Variants in GNG2 observed in about 807,000 individuals in gnomAD.
GNG2 encodes the protein G protein subunit gamma 2.
In GNG2, 5 loss-of-function variants were observed where a neutral mutation model predicts 5.5. The ratio of observed to expected loss-of-function variants is 0.91; its 90% CI spans 0.48 to 1.92. The LOEUF (loss-of-function observed/expected upper bound fraction) is 1.92, where lower values mean the gene tolerates loss of function less well. Among genes scored for constraint, GNG2 ranks in the 30% most tolerant of loss-of-function variants. The pLI is 0.01. For synonymous variants in GNG2, 28 were observed against 32.0 expected, an observed-to-expected ratio of 0.88 and a Z score of 0.42; for missense variants, 55 against 88.4, an observed-to-expected ratio of 0.62 and a Z score of 1.52.
intron 2 of GNG2, among the ~76,000 whole-genome samples, chr14:51,892,374 C>T (rs1158259059): frequency 6.6e-6 from 1 of 151,686 alleles, no homozygotes; most frequent in African/African-American, 2.4e-5. Flanking sequence ...AGCTATGGCG[C>T]GATCTTGGCG....
intron 2 of GNG2, among the ~76,000 whole-genome samples, chr14:51,948,544 A>C (rs1888773685): frequency 6.6e-6 from 1 of 152,192 alleles, no homozygotes; most frequent in Non-Finnish European, 1.5e-5. Flanking sequence ...TACCCTTCTG[A>C]ATAAGTCAAT....
intron 2 of GNG2, among the ~76,000 whole-genome samples, chr14:51,853,995 A>G (rs1266971648): frequency 6.6e-6 from 1 of 150,612 alleles, no homozygotes; most frequent in East Asian, 2.0e-4. Flanking sequence ...GGTTCAAGTG[A>G]TTCTCCTGCC....
intron 2 of GNG2, among the ~76,000 whole-genome samples, chr14:51,941,662 A>G (rs17124753): frequency 0.092 from 13,933 of 152,244 alleles, 1,189 homozygotes; most frequent in East Asian, 0.28. Flanking sequence ...TCTTTGTGCC[A>G]CAGAAATAAG....
intron 2 of GNG2, among the ~76,000 whole-genome samples, chr14:51,849,850 A>C (rs1300715857): frequency 6.9e-6 from 1 of 145,762 alleles, no homozygotes; most frequent in African/African-American, 2.6e-5. Context: ...TCTGTTGCCC[A>C]TGATGGAGTG....
chr14:51,922,596 AT>A (rs1212400212), intron 2 of GNG2, among the ~76,000 whole-genome samples: 1 of 152,112 alleles, frequency 6.6e-6, no homozygotes, highest in Non-Finnish European at 1.5e-5. Context: ...CTCTCTGACA[AT>A]TTCCATTGCC....
intron 2 of GNG2, among the ~76,000 whole-genome samples, chr14:51,933,297 A>G (rs2140248730): frequency 6.6e-6 from 1 of 152,312 alleles, no homozygotes; most frequent in South Asian, 2.1e-4. Context: ...TGGAAGTTGG[A>G]TTTGCTGGTG....
At chr14:51,857,317 T>C (rs915827760), upstream of GNG2, among the ~76,000 whole-genome samples, 7 of 152,196 alleles carry the variant, frequency 4.6e-5, no homozygotes, top group Admixed American at 4.6e-4. Context: ...AGAAATAGCA[T>C]GTGCCAAGAT....
intron 2 of GNG2, among the ~76,000 whole-genome samples, chr14:51,842,459 C>T (rs1881509344): frequency 2.0e-5 from 3 of 152,114 alleles, no homozygotes; most frequent in African/African-American, 7.2e-5. Context: ...TTTGCAGCAG[C>T]CGCAGGGCTC....
At chr14:51,921,778 G>C in intron 2 of GNG2, among the ~76,000 whole-genome samples, 1 of 152,082 alleles carries the variant, frequency 6.6e-6, no homozygotes, top group Admixed American at 6.6e-5. Flanking sequence ...AGCAACATGA[G>C]ACCTCATAAA....
At chr14:51,862,074 G>A (rs1043169773) in intron 1 of GNG2, among the ~76,000 whole-genome samples, 2 of 152,028 alleles carry the variant, frequency 1.3e-5, no homozygotes, top group African/African-American at 2.4e-5. Flanking sequence ...CTTTATCATC[G>A]TTCTCACTTG....
At chr14:51,880,690 A>C (rs1317671901) in intron 2 of GNG2, among the ~76,000 whole-genome samples, 1 of 152,172 alleles carries the variant, frequency 6.6e-6, no homozygotes, top group Non-Finnish European at 1.5e-5. Flanking sequence ...TTATTTGCCA[A>C]GACAGGGCTT....
intron 2 of GNG2, among the ~76,000 whole-genome samples, chr14:51,931,574 C>G (rs1482769748): frequency 6.6e-6 from 1 of 152,006 alleles, no homozygotes; most frequent in African/African-American, 2.4e-5. Context: ...TGTCAACATA[C>G]AAGAATAAAG....
At chr14:51,885,369 C>T (rs1884376953) in intron 2 of GNG2, among the ~76,000 whole-genome samples, 1 of 152,156 alleles carries the variant, frequency 6.6e-6, no homozygotes, top group Non-Finnish European at 1.5e-5. Flanking sequence ...GAAATTACCA[C>T]TTATTTGGAA....
At position 51,969,062 on chromosome 14, in the gene GNG2, C is replaced by A. The variant is rs1890082107; in HGVS notation, c.*2375C>A. 6.6e-6 allele frequency: 1 copy of A among 152,092 alleles called. No individual in the cohort carries two copies. The highest frequency in any genetic ancestry group is 1.5e-5 in the Non-Finnish European group (1 of 67,986). The allele number at this position is 152,092 out of a possible 1,614,324, so 9.4% of individuals were successfully genotyped here. On this transcript the variant is annotated 3_prime_UTR_variant, in exon 4 of 4. Coordinates refer to ENST00000556766, the MANE Select transcript of GNG2 (RefSeq NM_053064.5). ...TTTGTACTTATTCAGGGGAAAAAGT[C>A]TTTCGATTACTTATGCCTCTATAGA...
intron 3 of GNG2, chr14:51,951,869 T>C (rs3825604): frequency 0.031 from 22,002 of 699,720 alleles, 1,183 homozygotes; most frequent in African/African-American, 0.11. Flanking sequence ...AAAATATTTA[T>C]TCTCTGGTGT....
chr14:51,965,940 G>A (rs1425718539), intron 3 of GNG2, among the ~76,000 whole-genome samples: 1 of 152,028 alleles, frequency 6.6e-6, no homozygotes, highest in African/African-American at 2.4e-5. Context: ...CGGGCACAGT[G>A]GCTCACGTCT....
chr14:51,935,759 G>A (rs116276979), intron 2 of GNG2, among the ~76,000 whole-genome samples: 2,505 of 152,158 alleles, frequency 0.016, 64 homozygotes, highest in African/African-American at 0.058. Flanking sequence ...GCATCTGCTC[G>A]GTTTTTGGGG....
At chr14:51,932,164 A>G (rs1323735985) in intron 2 of GNG2, among the ~76,000 whole-genome samples, 1 of 145,114 alleles carries the variant, frequency 6.9e-6, no homozygotes, top group Non-Finnish European at 1.5e-5. Context: ...GGAGAATGGC[A>G]TGAACCGGGG....
chr14:51,961,146 A>G lies in GNG2; in HGVS notation c.88-5413A>G, dbSNP rs1157075256. ...CAGGGATCACTCCTCTGTGCTGCCT[A>G]TTGTCTAAAAGTTAAAAATTATTTC... On this transcript the variant is annotated intron_variant, in intron 3 of 3. Transcript: ENST00000556766. Among the ~76,000 whole-genome samples the G allele has an allele frequency of 2.6e-5, 4 of 152,170 alleles. No homozygotes were observed. The South Asian group carries it at 6.2e-4, about 24-fold the overall frequency.
Sources: allele counts gnomAD v4.1 joint callset (sites outside exome capture counted in the v4.1 genomes callset), GRCh38; gene constraint gnomAD v4.1.1; transcripts MANE v1.5; gene names NCBI Gene and HGNC (gene_info 2026-07-23, HGNC 2026-07-21).